OSBPL9: variants seen among roughly 807,000 people sequenced by gnomAD.
The protein encoded by OSBPL9 is oxysterol-binding protein-related protein 9.
A neutral mutation model predicts 106.6 loss-of-function variants in OSBPL9; 40 were observed. The ratio of observed to expected loss-of-function variants is 0.38; its 90% CI spans 0.29 to 0.49. The LOEUF is 0.49. OSBPL9 is among the 20% of genes least tolerant of loss of function. The pLI is 0.97. For missense variants in OSBPL9, 609 were observed against 887.2 expected (o/e 0.69, Z 3.98); for synonymous variants, 269 against 295.4 (o/e 0.91, Z 0.92).
chr1:51,615,767 C>A (rs988017194), upstream of OSBPL9, among the ~76,000 whole-genome samples: 1 of 152,170 alleles, frequency 6.6e-6, no homozygotes, highest in Non-Finnish European at 1.5e-5. Flanking sequence ...TTTAAAGCCA[C>A]TTCCTAAGAG....
chr1:51,655,025 G>A (rs369893394), intron 2 of OSBPL9, among the ~76,000 whole-genome samples: 92 of 152,266 alleles, frequency 6.0e-4, no homozygotes, highest in African/African-American at 2.1e-3. Context: ...CATGAACAAT[G>A]TGAATGTCCT....
the OSBPL9 span, chr1:51,566,078 G>A: frequency 6.6e-6 from 1 of 152,180 alleles, no homozygotes; most frequent in Non-Finnish European, 1.5e-5. Flanking sequence ...GCTTGGGCAA[G>A]TTACTTCATT....
intron 11 of OSBPL9, among the ~76,000 whole-genome samples, chr1:51,763,667 G>C (rs1022565695): frequency 1.3e-5 from 2 of 152,148 alleles, no homozygotes; most frequent in Non-Finnish European, 2.9e-5. Context: ...AGCATGGGCA[G>C]TTGCCTTTGA....
chr1:51,626,766 C>A (rs185174712), intron 1 of OSBPL9, among the ~76,000 whole-genome samples: 2 of 152,204 alleles, frequency 1.3e-5, no homozygotes, highest in East Asian at 3.9e-4. Flanking sequence ...GTGATACTCC[C>A]GCTTTGGCCT....
At chr1:51,776,127 C>T (rs1675019748) in intron 14 of OSBPL9, among the ~76,000 whole-genome samples, 1 of 152,056 alleles carries the variant, frequency 6.6e-6, no homozygotes. Context: ...TTCCCGTATT[C>T]CAGTTTGTTG....
intron 3 of OSBPL9, among the ~76,000 whole-genome samples, chr1:51,682,107 CAGG>C (rs1652689768): frequency 6.6e-6 from 1 of 151,848 alleles, no homozygotes; most frequent in Non-Finnish European, 1.5e-5. Context: ...GAGGCTGAAG[CAGG>C]AGAATTTTGC....
At chr1:51,748,347 T>G in intron 6 of OSBPL9, 22 bp from the exon 7 acceptor site, 1 of 1,518,102 alleles carries the variant, frequency 6.6e-7, no homozygotes, top group African/African-American at 1.4e-5. Flanking sequence ...TTATTTCTGT[T>G]TAAACTTATT....
At chr1:51,619,141 G>A (rs1340259064) in intron 1 of OSBPL9, among the ~76,000 whole-genome samples, 1 of 152,190 alleles carries the variant, frequency 6.6e-6, no homozygotes, top group Non-Finnish European at 1.5e-5. Context: ...TAAAGGAAAA[G>A]TAATATTGGG....
chr1:51,770,304 GCTAA>G, intron 12 of OSBPL9, among the ~76,000 whole-genome samples: 1 of 152,138 alleles, frequency 6.6e-6, no homozygotes. Context: ...ACCACGCTCG[GCTAA>G]CTTTTTGTAT....
At chr1:51,736,133 A>G (rs1401234091) in intron 4 of OSBPL9, among the ~76,000 whole-genome samples, 1 of 151,968 alleles carries the variant, frequency 6.6e-6, no homozygotes, top group East Asian at 1.9e-4. Flanking sequence ...TACAAACCAA[A>G]CACTAGCCCG....
chr1:51,650,300 T>C (rs1646433813), intron 1 of OSBPL9, among the ~76,000 whole-genome samples: 1 of 152,242 alleles, frequency 6.6e-6, no homozygotes, highest in African/African-American at 2.4e-5. Context: ...TAGAAGAGGA[T>C]CAAGGATGAA....
chr1:51,590,631 A>AG (rs1407992654), intron 1 of OSBPL9, among the ~76,000 whole-genome samples: 8 of 151,334 alleles, frequency 5.3e-5, no homozygotes, highest in Admixed American at 2.0e-4. Flanking sequence ...AAAAAAAAAA[A>AG]AAAAGAAAAA....
intron 1 of OSBPL9, among the ~76,000 whole-genome samples, chr1:51,590,628 A>G (rs1306322052): frequency 6.6e-6 from 1 of 151,232 alleles, no homozygotes; most frequent in Non-Finnish European, 1.5e-5. Flanking sequence ...TCAAAAAAAA[A>G]AAAAAAAGAA....
chr1:51,536,371 A>G, the OSBPL9 span, among the ~76,000 whole-genome samples: 2 of 152,270 alleles, frequency 1.3e-5, no homozygotes, highest in African/African-American at 4.8e-5. Flanking sequence ...CAGTGGTTCA[A>G]TTACAGCTCA....
At chr1:51,724,134 C>T (rs1662665081) in intron 4 of OSBPL9, among the ~76,000 whole-genome samples, 1 of 151,806 alleles carries the variant, frequency 6.6e-6, no homozygotes, top group Admixed American at 6.6e-5. Context: ...TTAGTAGAGA[C>T]AGGGTTTTGC....
chr1:51,520,804 C>T, the OSBPL9 span, among the ~76,000 whole-genome samples: 1 of 152,264 alleles, frequency 6.6e-6, no homozygotes, highest in South Asian at 2.1e-4. Flanking sequence ...TACTCAGACT[C>T]CTTCTGGCAA....
intron 2 of OSBPL9, among the ~76,000 whole-genome samples, chr1:51,609,131 A>T (rs1643968361): frequency 6.6e-6 from 1 of 152,018 alleles, no homozygotes. Flanking sequence ...CCTGCATTTG[A>T]TCTTGAAGTA....
chr1:51,524,557 A>G, the OSBPL9 span, among the ~76,000 whole-genome samples: 1 of 152,244 alleles, frequency 6.6e-6, no homozygotes, highest in African/African-American at 2.4e-5. Context: ...TTTTCTTCCT[A>G]CTGGAGAACA....
intron 1 of OSBPL9, among the ~76,000 whole-genome samples, chr1:51,641,927 A>AG (rs1312375516): frequency 6.6e-5 from 10 of 152,228 alleles, no homozygotes; most frequent in African/African-American, 2.4e-4. Context: ...GTTTGGAATC[A>AG]GCATTCCTTA....
Sources: allele counts gnomAD v4.1 joint callset (sites outside exome capture counted in the v4.1 genomes callset), GRCh38; gene constraint gnomAD v4.1.1; transcripts MANE v1.5; gene names NCBI Gene and HGNC (gene_info 2026-07-23, HGNC 2026-07-21).